The following NOTCH2 variants were observed in gnomAD, a reference collection of about 807,000 sequenced individuals.
NOTCH2 encodes notch receptor 2.
Under a neutral mutation model 235.8 loss-of-function variants are expected in NOTCH2, and 29 were observed. The observed-to-expected ratio is 0.12, with a 90% CI of 0.09 to 0.17. The LOEUF (loss-of-function observed/expected upper bound fraction) is 0.17. Ranked by LOEUF, NOTCH2 falls within the 10% of genes least tolerant of loss-of-function variation. The probability of loss-of-function intolerance (pLI) is 1.00; values close to 1 mark genes in which losing one functional copy is unlikely to be tolerated. For synonymous variants in NOTCH2, 1,086 were observed against 1,141.5 expected, an observed-to-expected ratio of 0.95 and a Z score of 0.98; for missense variants, 2,285 against 3,150.2, an observed-to-expected ratio of 0.73 and a Z score of 6.57.
chr1:120,039,061 T>C (rs1654436351), intron 1 of NOTCH2, among the ~76,000 whole-genome samples: 1 of 151,840 alleles, frequency 6.6e-6, no homozygotes, highest in South Asian at 2.1e-4. Context: ...CATGAGTAGG[T>C]TCACTAATAC....
At chr1:119,926,690 G>A in intron 23 of NOTCH2, 79 bp from the exon 24 acceptor site, 1 of 1,126,350 alleles carries the variant, frequency 8.9e-7, no homozygotes, top group South Asian at 1.3e-5. Flanking sequence ...TTGCTGGGAT[G>A]GGAACTAGCC....
Position 119,923,706 on chromosome 1 carries a change from G to A in NOTCH2, c.4790C>T (p.Ser1597Leu). ...LMVYPYYGEK[S>L]AAMKKQRMTR... ...CATCCTCTGTTTCTTCATAGCAGCT[G>A]ACTTCTCACCATAATAGGGGTACAC... The change falls in exon 26 of 34, where the codon TCA (serine) becomes TTA (leucine). Residue 1597 changes from serine (S) to leucine (L), a missense_variant. By Grantham distance (145) the Ser-to-Leu change is moderately radical. Coordinates refer to ENST00000256646, the MANE Select transcript of NOTCH2 (RefSeq NM_024408.4). 6.2e-7 allele frequency: 1 copy of A among 1,614,148 alleles called. No homozygotes were observed. Among genetic ancestry groups the A allele is most frequent in the Non-Finnish European group, 8.5e-7 (1 of 1,180,040 alleles).
chr1:119,953,750 A>T (rs2101122654), intron 13 of NOTCH2, 62 bp from the exon 14 acceptor site: 2 of 1,425,028 alleles, frequency 1.4e-6, no homozygotes, highest in East Asian at 4.5e-5. Context: ...TCATAGAGTG[A>T]AATACAGGAC....
chr1:119,924,516 C>G (rs368695901), intron 25 of NOTCH2, among the ~76,000 whole-genome samples: 1 of 152,120 alleles, frequency 6.6e-6, no homozygotes, highest in Non-Finnish European at 1.5e-5. Flanking sequence ...TTATAGCACA[C>G]CAGATATTAC....
At position 119,923,656 on chromosome 1, in the gene NOTCH2, G is replaced by T. The variant is rs1557805633; in HGVS notation, c.4840C>A (p.Gln1614Lys). The change falls in exon 26 of 34, where the codon CAA becomes AAA. Residue 1614 changes from glutamine (Q) to lysine (K), a missense_variant. Around this residue, in one of 6 missense-constraint regions of NOTCH2, gnomAD observed 1,173 missense variants for 1,515.3 expected, o/e 0.77. Coordinates refer to ENST00000256646, the MANE Select transcript of NOTCH2 (RefSeq NM_024408.4). ...ACCTACCCAGCCACCTCCTGTTCTTGTTCACCAGGAAGGGATCTGCGTGTC... is the reference window on the plus strand; with the variant it reads ...ACCTACCCAGCCACCTCCTGTTCTTTTTCACCAGGAAGGGATCTGCGTGTC... ...RMTRRSLPGE[Q>K]EQEVAGSKVF... The T allele has an allele frequency of 6.2e-7, 1 of 1,614,034 alleles. No homozygotes were observed. The highest frequency in any genetic ancestry group is 1.7e-5 in the Admixed American group (1 of 60,022).
At chr1:119,983,869 T>TTTATTTAAATTATTTAAATAATTTAAA (rs1201942074) in intron 5 of NOTCH2, among the ~76,000 whole-genome samples, 6 of 152,336 alleles carry the variant, frequency 3.9e-5, no homozygotes, top group Non-Finnish European at 7.4e-5. Flanking sequence ...CAAATCTCCA[T>TTTATTTAAATTATTTAAATAATTTAAA]TTATTTAAAA....
At chr1:119,971,024 G>A (rs1387125197) in intron 5 of NOTCH2, among the ~76,000 whole-genome samples, 1 of 152,212 alleles carries the variant, frequency 6.6e-6, no homozygotes, top group Non-Finnish European at 1.5e-5. Context: ...AATTTGACTG[G>A]CTCATGTATC....
intron 22 of NOTCH2, among the ~76,000 whole-genome samples, chr1:119,930,795 C>A (rs1436080098): frequency 2.4e-5 from 3 of 125,754 alleles, no homozygotes; most frequent in South Asian, 2.6e-4. Flanking sequence ...TAATAATAAT[C>A]ATAATTAAAA....
At chr1:119,955,834 T>C (rs918204591) in intron 12 of NOTCH2, among the ~76,000 whole-genome samples, 2 of 152,234 alleles carry the variant, frequency 1.3e-5, no homozygotes, top group East Asian at 3.8e-4. Flanking sequence ...TCTTCTGATA[T>C]TAGAGAAAAT....
chr1:119,971,064 G>A (rs1033198957), intron 5 of NOTCH2, among the ~76,000 whole-genome samples: 6 of 152,152 alleles, frequency 3.9e-5, no homozygotes, highest in East Asian at 1.9e-4. Context: ...ATCATTACTC[G>A]CGGATGCTAG....
At chr1:119,979,983 C>T (rs1279882673) in intron 5 of NOTCH2, among the ~76,000 whole-genome samples, 1 of 152,106 alleles carries the variant, frequency 6.6e-6, no homozygotes, top group African/African-American at 2.4e-5. Context: ...CATGGTCTGT[C>T]GTTCTCGTGG....
rs187730939 is a variant in NOTCH2, at chr1:119,996,238, C to T, written c.751+759G>A. 1.9e-3 allele frequency: 340 copies of T among 180,054 alleles called. 1 individual carries two copies. The highest frequency in any genetic ancestry group is 7.4e-3 in the African/African-American group (313 of 42,042). 11.2% of individuals were successfully genotyped at this position (180,054 alleles called of 1,614,324 possible). On this transcript the variant is annotated intron_variant, in intron 4 of 33. Transcript: ENST00000256646. ...TTCTCCCTCTCCATGGAACACCAGG[C>T]CCCAAGCTCCCCGACACTGCTCCTC...
chr1:119,967,773 G>C (rs1651200856), intron 7 of NOTCH2, 152 bp from the exon 8 acceptor site: 2 of 787,040 alleles, frequency 2.5e-6, no homozygotes, highest in Admixed American at 2.3e-5. Flanking sequence ...AATTTAAAAA[G>C]AAATAAAAGC....
chr1:119,922,579 TCCC>T (rs1649323900), intron 27 of NOTCH2, 54 bp downstream of exon 27: 1 of 1,611,614 alleles, frequency 6.2e-7, no homozygotes, highest in Non-Finnish European at 8.5e-7. Context: ...TGAAAATTGT[TCCC>T]CCAATTGACA....
chr1:119,975,429 C>T (rs782325613), intron 5 of NOTCH2, among the ~76,000 whole-genome samples: 4 of 152,026 alleles, frequency 2.6e-5, no homozygotes, highest in East Asian at 3.9e-4. Flanking sequence ...AGGTGGATCA[C>T]GAGGTCAAGG....
At chr1:119,928,829 A>G (rs1241692967) in intron 23 of NOTCH2, 147 bp downstream of exon 23, 1 of 704,738 alleles carries the variant, frequency 1.4e-6, no homozygotes, top group East Asian at 2.7e-5. Flanking sequence ...CAGACTAAGA[A>G]AAAACTGGCT....
In NOTCH2 at chr1:119,963,785, C is replaced by T. The variant is rs1651032017; in HGVS notation, c.1704G>A (p.Glu568=). ...CGGGGTCACAGTTGTCAATGTTCTC[C>T]TCACACAACACACCAGTGAAACCTT... The part of the protein sequence containing the change: ...CATGFTGVLC[E]ENIDNCDPDP... The change falls in exon 11 of 34, where the codon GAG becomes GAA. Residue 568 remains glutamate, a synonymous_variant. Transcript: ENST00000256646. 3 of 1,613,950 alleles carry T rather than the reference C, an allele frequency of 1.9e-6. No individual in the cohort carries two copies.
chr1:119,986,046 T>G (rs1464993546), intron 5 of NOTCH2, among the ~76,000 whole-genome samples: 10 of 152,196 alleles, frequency 6.6e-5, no homozygotes, highest in Admixed American at 6.5e-4. Context: ...AATAATTAGA[T>G]GCTACAGATA....
chr1:120,022,860 AT>A (rs1190351366), intron 2 of NOTCH2, among the ~76,000 whole-genome samples: 1 of 151,936 alleles, frequency 6.6e-6, no homozygotes, highest in East Asian at 1.9e-4. Context: ...ATTCTGTCCC[AT>A]TTTATTGACA....
Sources: allele counts gnomAD v4.1 joint callset (sites outside exome capture counted in the v4.1 genomes callset), GRCh38; gene constraint gnomAD v4.1.1; regional missense constraint gnomAD v4.1.1; transcripts MANE v1.5; gene names NCBI Gene and HGNC (gene_info 2026-07-23, HGNC 2026-07-21).